Variants in UGT2A1 observed in about 807,000 individuals in gnomAD.
UGT2A1 encodes the protein UDP glucuronosyltransferase family 2 member A1 complex locus.
A neutral mutation model predicts 45.4 loss-of-function variants in UGT2A1; 61 were observed. The observed-to-expected ratio is 1.34, with a 90% CI of 1.09 to 1.66. The LOEUF is 1.66. Ranked by LOEUF, UGT2A1 falls within the 40% of genes most tolerant of loss-of-function variation. The pLI is 0.00. For missense variants in UGT2A1, 649 were observed against 574.3 expected (o/e 1.13, Z -1.33); for synonymous variants, 229 against 196.2 (o/e 1.17, Z -1.40).
Position 69,647,525 on chromosome 4 carries a change from T to A in UGT2A1, c.120A>T (p.Ile40=), listed in dbSNP as rs776894502. The change falls in exon 2 of 7, where the codon ATA becomes ATT. Residue 40 remains isoleucine, a synonymous_variant. Coordinates refer to ENST00000286604, the MANE Select transcript of UGT2A1 (RefSeq NM_001252275.3). ...GSHWLNVKII[I]DELIKKEHNV... ...TATGCTCCTTTTTAATGAGCTCATC[T>A]ATAATTATCTTAACATTTAGCCAAT... The A allele has an allele frequency of 1.4e-5, 23 of 1,612,786 alleles. No individual in the cohort carries two copies. Among genetic ancestry groups the A allele is most frequent in the Non-Finnish European group, 1.9e-5 (22 of 1,179,274 alleles).
In UGT2A1 at chr4:69,589,358, C is replaced by G; in HGVS notation, c.*14G>C. 6.3e-7 allele frequency: 1 copy of G among 1,596,722 alleles called. No individual in the cohort carries two copies. The highest frequency in any genetic ancestry group is 8.5e-7 in the Non-Finnish European group (1 of 1,172,002). ...CCAAACTTAAAAATATATATATTTCCTCTTTTTCTTGACCTATTCTCTTTT... is the reference window on the plus strand; with the variant it reads ...CCAAACTTAAAAATATATATATTTCGTCTTTTTCTTGACCTATTCTCTTTT... On this transcript the variant is annotated 3_prime_UTR_variant, in exon 7 of 7. Transcript: ENST00000286604.
In UGT2A1 at chr4:69,606,588, G is replaced by T. The variant is rs566239428; in HGVS notation, c.848-7194C>A. On this transcript the variant is annotated intron_variant, in intron 3 of 6. Coordinates refer to ENST00000286604, the MANE Select transcript of UGT2A1 (RefSeq NM_001252275.3). The stretch of plus-strand genomic sequence containing the variant: ...TTCTGGCCAGTGCAATCAGGCAGGA[G>T]AAGGAAATAAAGGGTATTCAATTAG... Among the ~76,000 whole-genome samples the T allele has an allele frequency of 6.9e-4, 94 of 136,428 alleles. 17 individuals are homozygous for T. Among genetic ancestry groups the T allele is most frequent in the Non-Finnish European group, 1.1e-3 (73 of 64,162 alleles). 89.5% of individuals were successfully genotyped at this position (136,428 alleles called of 152,430 possible). A position where few individuals can be genotyped will look rare whatever the true frequency, so the allele number is the denominator to read the frequency against.
chr4:69,632,160 C>T (rs1299290662), intron 3 of UGT2A1, among the ~76,000 whole-genome samples: 3 of 152,032 alleles, frequency 2.0e-5, no homozygotes, highest in Non-Finnish European at 1.5e-5. Flanking sequence ...AAGATAATTA[C>T]ATTCACAGCA....
At chr4:69,590,713 G>A (rs1405283817) in intron 6 of UGT2A1, among the ~76,000 whole-genome samples, 1 of 151,976 alleles carries the variant, frequency 6.6e-6, no homozygotes, top group Non-Finnish European at 1.5e-5. Flanking sequence ...ATTTCACATG[G>A]ATCATCCGAA....
chr4:69,591,938 A>G (rs576818550), intron 6 of UGT2A1, among the ~76,000 whole-genome samples: 2 of 152,198 alleles, frequency 1.3e-5, no homozygotes, highest in Non-Finnish European at 2.9e-5. Context: ...CTCATGAATT[A>G]TGATTTCTAA....
chr4:69,635,849 A>AAAAAAAAAAAAAGAG (rs772370302), intron 2 of UGT2A1, 27 bp from the exon 3 acceptor site: 2 of 118,512 alleles, frequency 1.7e-5, no homozygotes, highest in African/African-American at 8.0e-5. Context: ...AAAAAAAAAA[A>AAAAAAAAAAAAAGAG]AGAGAGAGAG....
chr4:69,639,978 T>G (rs1721965819), intron 2 of UGT2A1, among the ~76,000 whole-genome samples: 1 of 152,032 alleles, frequency 6.6e-6, no homozygotes, highest in African/African-American at 2.4e-5. Context: ...TGCTCAAACA[T>G]TTCAAGGTGT....
chr4:69,651,174 A>C lies in UGT2A1; in HGVS notation c.-55+2014T>G, dbSNP rs534904642. The stretch of plus-strand genomic sequence containing the variant: ...ATTTGTATTTTCGAATTTAATAGAA[A>C]ACTAAATGAAGTTATATTCACAACA... On this transcript the variant is annotated intron_variant, in intron 1 of 6. Coordinates refer to ENST00000286604, the MANE Select transcript of UGT2A1 (RefSeq NM_001252275.3). 1.6e-3 allele frequency among the ~76,000 whole-genome samples: 244 copies of C among 152,288 alleles called. 1 individual carries two copies. Among genetic ancestry groups the C allele is most frequent in the African/African-American group, 5.7e-3 (236 of 41,570 alleles).
intron 3 of UGT2A1, among the ~76,000 whole-genome samples, chr4:69,606,146 C>T (rs1327154519): frequency 7.3e-6 from 1 of 136,238 alleles, no homozygotes; most frequent in African/African-American, 3.0e-5. Flanking sequence ...ACCAATATCC[C>T]TGATGAACAT....
At chr4:69,641,409 C>T (rs1722042413) in intron 2 of UGT2A1, among the ~76,000 whole-genome samples, 1 of 151,758 alleles carries the variant, frequency 6.6e-6, no homozygotes, top group African/African-American at 2.4e-5. Flanking sequence ...CCACTGAAGA[C>T]ATGCCCTTGC....
chr4:69,620,494 GA>G (rs1178633072), intron 3 of UGT2A1, among the ~76,000 whole-genome samples: 2 of 151,032 alleles, frequency 1.3e-5, no homozygotes, highest in Non-Finnish European at 3.0e-5. Context: ...ACAAACAAAT[GA>G]AAAAACATTT....
In UGT2A1 at chr4:69,601,882, G is replaced by T. The variant is rs375870321; in HGVS notation, c.848-2488C>A. On this transcript the variant is annotated intron_variant, in intron 3 of 6. Coordinates refer to ENST00000286604, the MANE Select transcript of UGT2A1 (RefSeq NM_001252275.3). The stretch of plus-strand genomic sequence containing the variant: ...AGCACTCATAGTAGTCTGGCCCTCA[G>T]AGACTCTTACTCTTGGGCAAAGGAG... 4.4e-5 allele frequency among the ~76,000 whole-genome samples: 6 copies of T among 136,552 alleles called. 1 individual carries two copies. The East Asian group carries it at 1.0e-3, about 23-fold the overall frequency. 89.6% of individuals were successfully genotyped at this position (136,552 alleles called of 152,430 possible). A position where few individuals can be genotyped will look rare whatever the true frequency, so the allele number is the denominator to read the frequency against.
At chr4:69,609,398 C>T (rs1262264902) in intron 3 of UGT2A1, among the ~76,000 whole-genome samples, 1 of 151,796 alleles carries the variant, frequency 6.6e-6, no homozygotes, top group Non-Finnish European at 1.5e-5. Flanking sequence ...TGATGTCTCT[C>T]TCTGTTTCCC....
At position 69,607,064 on chromosome 4, in the gene UGT2A1, A is replaced by T. The variant is rs1334354349; in HGVS notation, c.848-7670T>A. Among the ~76,000 whole-genome samples the T allele has an allele frequency of 1.0e-4, 11 of 107,120 alleles. 3 individuals carry two copies. The highest frequency in any genetic ancestry group is 2.7e-4 in the Admixed American group (3 of 11,152). 70.3% of individuals were successfully genotyped at this position (107,120 alleles called of 152,430 possible). ...GACTTTCTTCACAGAATTGGAAAAAACTACTTTAAAGTTCATATGGAACCA... is the reference window on the plus strand; with the variant it reads ...GACTTTCTTCACAGAATTGGAAAAATCTACTTTAAAGTTCATATGGAACCA... On this transcript the variant is annotated intron_variant, in intron 3 of 6. Coordinates refer to ENST00000286604, the MANE Select transcript of UGT2A1 (RefSeq NM_001252275.3).
chr4:69,635,667 T>TA (rs1045174049), intron 3 of UGT2A1, 24 bp downstream of exon 3: 9 of 254,998 alleles, frequency 3.5e-5, no homozygotes, highest in Admixed American at 1.1e-4. Flanking sequence ...TCGTCTCTAT[T>TA]AAAAATACAA....
At chr4:69,639,619 T>A (rs1464951304) in intron 2 of UGT2A1, 1 of 1,590,866 alleles carries the variant, frequency 6.3e-7, no homozygotes, top group Admixed American at 1.8e-5. Flanking sequence ...TTAGGCATGG[T>A]AAAATCCCTT....
At chr4:69,632,573 A>C (rs1018014361) in intron 3 of UGT2A1, among the ~76,000 whole-genome samples, 1 of 152,124 alleles carries the variant, frequency 6.6e-6, no homozygotes. Flanking sequence ...TATGGAAATC[A>C]TCCTTAGTGA....
At chr4:69,611,892 G>A (rs149893406) in intron 3 of UGT2A1, among the ~76,000 whole-genome samples, 1 of 152,134 alleles carries the variant, frequency 6.6e-6, no homozygotes, top group African/African-American at 2.4e-5. Context: ...ATTCACATAA[G>A]TTCAACTCCC....
At chr4:69,645,810 C>T (rs1207053267) in intron 2 of UGT2A1, among the ~76,000 whole-genome samples, 1 of 151,824 alleles carries the variant, frequency 6.6e-6, no homozygotes, top group African/African-American at 2.4e-5. Flanking sequence ...ACGTCATTAG[C>T]ATCTTCCTCC....
Sources: gnomAD v4.1 joint callset for allele counts (sites outside exome capture counted in the v4.1 genomes callset) on GRCh38, gnomAD v4.1.1 for gene constraint, MANE v1.5 for transcripts, NCBI Gene and HGNC (gene_info 2026-07-23, HGNC 2026-07-21) for gene names.